SMAD1: variants seen among roughly 807,000 people sequenced by gnomAD.
The protein encoded by SMAD1 is MAD, mothers against decapentaplegic homolog 1.
In SMAD1, 6 loss-of-function variants were observed where a neutral mutation model predicts 41.6. The ratio of observed to expected loss-of-function variants is 0.14; its 90% CI spans 0.08 to 0.28. The LOEUF is 0.28. SMAD1 is among the 10% of genes least tolerant of loss of function. SMAD1 has a pLI of 1.00. For synonymous variants in SMAD1, 206 were observed against 203.2 expected, an observed-to-expected ratio of 1.01 and a Z score of -0.12; for missense variants, 379 against 582.6, an observed-to-expected ratio of 0.65 and a Z score of 3.60.
At chr4:145,488,023 CTT>C (rs1230014866) in intron 1 of SMAD1, among the ~76,000 whole-genome samples, 1 of 152,106 alleles carries the variant, frequency 6.6e-6, no homozygotes, top group East Asian at 1.9e-4. Flanking sequence ...AAGACTCTCT[CTT>C]GAAAATAAAG....
chr4:145,483,796 G>T (rs1289061546), intron 1 of SMAD1, among the ~76,000 whole-genome samples: 1 of 152,138 alleles, frequency 6.6e-6, no homozygotes, highest in Non-Finnish European at 1.5e-5. Flanking sequence ...TCTTCTGAGG[G>T]TAGGGATTTG....
intron 2 of SMAD1, among the ~76,000 whole-genome samples, chr4:145,531,296 C>G (rs1400376872): frequency 6.6e-6 from 1 of 152,166 alleles, no homozygotes; most frequent in East Asian, 1.9e-4. Context: ...CCGGCACTTC[C>G]TACTTGAAGT....
At chr4:145,552,493 T>C (rs781634855) in intron 5 of SMAD1, among the ~76,000 whole-genome samples, 2 of 152,190 alleles carry the variant, frequency 1.3e-5, no homozygotes, top group Non-Finnish European at 2.9e-5. Flanking sequence ...ACCCCTACTT[T>C]CCTTTTTTTA....
At chr4:145,483,656 T>G (rs1420015399) in intron 1 of SMAD1, among the ~76,000 whole-genome samples, 1 of 152,224 alleles carries the variant, frequency 6.6e-6, no homozygotes, top group Admixed American at 6.5e-5. Flanking sequence ...TATTTGCTAT[T>G]TCTGTGCAGG....
At chr4:145,543,694 G>C (rs528586976) in intron 4 of SMAD1, among the ~76,000 whole-genome samples, 1 of 152,304 alleles carries the variant, frequency 6.6e-6, no homozygotes, top group South Asian at 2.1e-4. Context: ...AAGTAGGATA[G>C]ACTTAAGTGA....
intron 5 of SMAD1, among the ~76,000 whole-genome samples, chr4:145,552,948 A>G (rs1157408597): frequency 1.3e-5 from 2 of 152,090 alleles, no homozygotes; most frequent in African/African-American, 4.8e-5. Context: ...TCTGTCACCC[A>G]GTCTGGAGTG....
intron 4 of SMAD1, chr4:145,545,514 A>G (rs1732194859): frequency 6.7e-6 from 1 of 149,540 alleles, no homozygotes; most frequent in African/African-American, 2.5e-5. Context: ...AAAGCGACTA[A>G]CTTATGTGTG....
intron 2 of SMAD1, among the ~76,000 whole-genome samples, chr4:145,519,804 C>T (rs1054254406): frequency 3.3e-5 from 5 of 152,140 alleles, no homozygotes; most frequent in Non-Finnish European, 5.9e-5. Flanking sequence ...TCCATGTTCA[C>T]CCCTCCCTGC....
rs920334774 is a variant in SMAD1 at position 145,494,556 on chromosome 4, C to CTTG, written c.-177+12520_-177+12522dup. Among the ~76,000 whole-genome samples the CTTG allele has an allele frequency of 1.2e-4, 19 of 152,310 alleles. 1 individual carries two copies. The highest frequency in any genetic ancestry group is 4.6e-4 in the African/African-American group (19 of 41,572). On this transcript the variant is annotated intron_variant, in intron 1 of 6. Transcript: ENST00000302085. Reference sequence around the variant, plus strand: ...ACAGTGCCTAGTGCAGTGGTTCTCCCTTGTCTACTCATCAAAATCGTGTGA... The same window carrying CTTG: ...ACAGTGCCTAGTGCAGTGGTTCTCCCTTGTTGTCTACTCATCAAAATCGTGTGA...
At chr4:145,517,373 G>A (rs748852070) in intron 2 of SMAD1, among the ~76,000 whole-genome samples, 2 of 152,094 alleles carry the variant, frequency 1.3e-5, no homozygotes, top group African/African-American at 2.4e-5. Context: ...ATGGAGGTCA[G>A]TTTCATTGGG....
intron 1 of SMAD1, among the ~76,000 whole-genome samples, chr4:145,496,341 C>A (rs983469001): frequency 6.6e-6 from 1 of 151,944 alleles, no homozygotes; most frequent in Admixed American, 6.6e-5. Flanking sequence ...TTTTTTGTGC[C>A]TCAGTTTTGT....
chr4:145,540,803 A>G (rs989188245), intron 3 of SMAD1, among the ~76,000 whole-genome samples: 1 of 152,076 alleles, frequency 6.6e-6, no homozygotes, highest in Non-Finnish European at 1.5e-5. Flanking sequence ...CTAAACAAAA[A>G]TATACTTAAC....
intron 3 of SMAD1, among the ~76,000 whole-genome samples, chr4:145,541,137 T>G (rs1431446144): frequency 6.6e-6 from 1 of 152,096 alleles, no homozygotes; most frequent in Non-Finnish European, 1.5e-5. Context: ...ACCTGTATGA[T>G]GGGCAGGTTA....
At chr4:145,525,640 T>TGAGCTGGGCC (rs1266875537) in intron 2 of SMAD1, 5 of 152,672 alleles carry the variant, frequency 3.3e-5, no homozygotes, top group Non-Finnish European at 7.3e-5. Context: ...TGAGCTGGGC[T>TGAGCTGGGCC]GAGCTGGGCC....
At chr4:145,516,827 A>C (rs1362927293) in intron 2 of SMAD1, among the ~76,000 whole-genome samples, 1 of 152,224 alleles carries the variant, frequency 6.6e-6, no homozygotes, top group African/African-American at 2.4e-5. Context: ...TAACCTTAAA[A>C]TGTATTAATA....
intron 5 of SMAD1, among the ~76,000 whole-genome samples, chr4:145,548,230 A>T (rs1031084368): frequency 6.6e-6 from 1 of 151,198 alleles, no homozygotes; most frequent in African/African-American, 2.4e-5. Flanking sequence ...TTATTTATTT[A>T]TATTTTATTT....
intron 1 of SMAD1, among the ~76,000 whole-genome samples, chr4:145,505,480 G>A (rs901223176): frequency 1.3e-5 from 2 of 152,158 alleles, no homozygotes; most frequent in East Asian, 1.9e-4. Flanking sequence ...TTAGCTGGGC[G>A]TGGTGGTGGG....
At chr4:145,487,291 G>A (rs1040803577) in intron 1 of SMAD1, among the ~76,000 whole-genome samples, 3 of 152,156 alleles carry the variant, frequency 2.0e-5, no homozygotes, top group Non-Finnish European at 4.4e-5. Context: ...TATTTAGGGA[G>A]CTAGGGAGTC....
At chr4:145,492,829 T>C (rs532197561) in intron 1 of SMAD1, among the ~76,000 whole-genome samples, 65 of 152,306 alleles carry the variant, frequency 4.3e-4, no homozygotes, top group Non-Finnish European at 8.7e-4. Flanking sequence ...AGAAACAAGG[T>C]TGAAGCCCAA....
Sources: gnomAD v4.1 joint callset for allele counts (sites outside exome capture counted in the v4.1 genomes callset) on GRCh38, gnomAD v4.1.1 for gene constraint, MANE v1.5 for transcripts, NCBI Gene and HGNC (gene_info 2026-07-23, HGNC 2026-07-21) for gene names.